Variants in CNTNAP2 observed in about 807,000 individuals in gnomAD.
The protein encoded by CNTNAP2 is contactin associated protein 2.
Under a neutral mutation model 155.2 loss-of-function variants are expected in CNTNAP2, and 98 were observed. The ratio of observed to expected loss-of-function variants is 0.63; its 90% CI spans 0.54 to 0.75. The LOEUF is 0.75. Among genes scored for constraint, CNTNAP2 ranks in the 30% least tolerant of loss-of-function variants. The pLI, the probability that CNTNAP2 is intolerant of heterozygous loss-of-function variation, is 0.00. For missense variants in CNTNAP2, 1,727 were observed against 1,688.1 expected, an observed-to-expected ratio of 1.02 and a Z score of -0.40; for synonymous variants, 651 against 631.2, an observed-to-expected ratio of 1.03 and a Z score of -0.47.
chr7:148,401,774 AT>A (rs1216566503), intron 22 of CNTNAP2, among the ~76,000 whole-genome samples: 1 of 151,702 alleles, frequency 6.6e-6, no homozygotes, highest in African/African-American at 2.4e-5. Flanking sequence ...ACTTTTTTGT[AT>A]TTTTAGTAGA....
intron 21 of CNTNAP2, among the ~76,000 whole-genome samples, chr7:148,358,068 T>C (rs1280120476): frequency 2.0e-5 from 3 of 152,018 alleles, no homozygotes; most frequent in Non-Finnish European, 4.4e-5. Flanking sequence ...GCAGGCCCTA[T>C]TACTCCTGAC....
intron 1 of CNTNAP2, among the ~76,000 whole-genome samples, chr7:146,534,628 A>T (rs1396466043): frequency 6.6e-6 from 1 of 152,062 alleles, no homozygotes; most frequent in East Asian, 1.9e-4. Context: ...GGCCACTGAG[A>T]AAAGGGGCTT....
At chr7:147,945,656 CT>C (rs1471959779) in intron 14 of CNTNAP2, among the ~76,000 whole-genome samples, 2 of 149,914 alleles carry the variant, frequency 1.3e-5, no homozygotes, top group African/African-American at 2.4e-5. Context: ...CAGGCATAGT[CT>C]GTTATCAGGA....
chr7:146,952,260 G>A (rs917036103), intron 3 of CNTNAP2, among the ~76,000 whole-genome samples: 18 of 152,132 alleles, frequency 1.2e-4, no homozygotes, highest in Admixed American at 1.2e-3. Context: ...AATAAACTAG[G>A]TATTGTTGGA....
intron 1 of CNTNAP2, among the ~76,000 whole-genome samples, chr7:146,126,880 A>G (rs544646882): frequency 6.6e-6 from 1 of 152,240 alleles, no homozygotes; most frequent in South Asian, 2.1e-4. Flanking sequence ...CATTCCTATC[A>G]CAGCTTCTAT....
Position 147,444,436 on chromosome 7 carries a change from T to C in CNTNAP2, c.1671-41499T>C, listed in dbSNP as rs191005408. ...AAAATGGCTAGAGAATTCTAAAGCT[T>C]ACATTATATTCTTTAGTATTTTATA... On this transcript the variant is annotated intron_variant, in intron 10 of 23. Transcript: ENST00000361727. Among the ~76,000 whole-genome samples, 614 of 152,202 alleles carry C rather than the reference T, an allele frequency of 4.0e-3. 7 individuals carry two copies. Among genetic ancestry groups the C allele is most frequent in the African/African-American group, 0.012 (481 of 41,556 alleles).
At chr7:147,102,301 GCT>G (rs1800674174) in intron 4 of CNTNAP2, among the ~76,000 whole-genome samples, 1 of 72,584 alleles carries the variant, frequency 1.4e-5, no homozygotes, top group Non-Finnish European at 2.6e-5. Flanking sequence ...AAAAAAAGAA[GCT>G]CAAGAAAGTT....
At chr7:148,151,795 C>G (rs1172299479) in intron 17 of CNTNAP2, among the ~76,000 whole-genome samples, 2 of 152,176 alleles carry the variant, frequency 1.3e-5, no homozygotes, top group East Asian at 3.8e-4. Context: ...AGCTCACATG[C>G]AGAGATGTCC....
chr7:146,734,308 G>C (rs1801574816), intron 1 of CNTNAP2, among the ~76,000 whole-genome samples: 1 of 152,058 alleles, frequency 6.6e-6, no homozygotes, highest in Non-Finnish European at 1.5e-5. Context: ...AATATATAGA[G>C]AGTTAAAATT....
At chr7:146,798,104 CT>C (rs1802803443) in intron 2 of CNTNAP2, among the ~76,000 whole-genome samples, 1 of 151,860 alleles carries the variant, frequency 6.6e-6, no homozygotes, top group Non-Finnish European at 1.5e-5. Flanking sequence ...CAAAAACTGT[CT>C]CTCTAAAAAT....
intron 1 of CNTNAP2, among the ~76,000 whole-genome samples, chr7:146,613,931 C>T (rs914272801): frequency 1.2e-4 from 18 of 152,048 alleles, no homozygotes; most frequent in African/African-American, 4.3e-4. Flanking sequence ...AAATATTTAG[C>T]AGTAAATAAA....
At chr7:147,313,807 T>G (rs1445612925) in intron 9 of CNTNAP2, among the ~76,000 whole-genome samples, 1 of 151,946 alleles carries the variant, frequency 6.6e-6, no homozygotes, top group South Asian at 2.1e-4. Context: ...AAGAAAGTCA[T>G]TGGTAGCTTG....
In CNTNAP2 at chr7:148,190,438, A is replaced by G. The variant is rs141853275; in HGVS notation, c.3010+17960A>G. 9 of 152,348 alleles carry G rather than the reference A, an allele frequency of 5.9e-5. No homozygotes were observed. In the East Asian group the frequency reaches 1.7e-3, roughly 29 times the overall value. The allele number at this position is 152,348 out of a possible 1,614,324, so 9.4% of individuals were successfully genotyped here. ...AGCAATAAGGACTGGAACAGAGAAG[A>G]TGAATAATAGTTTTTTGGTTTTCCA... On this transcript the variant is annotated intron_variant, in intron 18 of 23. Coordinates refer to ENST00000361727, the MANE Select transcript of CNTNAP2 (RefSeq NM_014141.6).
intron 21 of CNTNAP2, among the ~76,000 whole-genome samples, chr7:148,283,427 T>C (rs913216377): frequency 7.2e-5 from 11 of 152,184 alleles, no homozygotes; most frequent in Non-Finnish European, 1.3e-4. Flanking sequence ...TTATTATACA[T>C]TTCATATTTA....
At chr7:146,165,731 A>G (rs1255573468) in intron 1 of CNTNAP2, among the ~76,000 whole-genome samples, 1 of 152,220 alleles carries the variant, frequency 6.6e-6, no homozygotes, top group East Asian at 1.9e-4. Flanking sequence ...ATACATAAAA[A>G]CTTTATGTGA....
intron 11 of CNTNAP2, among the ~76,000 whole-genome samples, chr7:147,532,710 TG>T: frequency 6.6e-6 from 1 of 152,314 alleles, no homozygotes; most frequent in African/African-American, 2.4e-5. Context: ...CTCAGAATCA[TG>T]GTGGAAGGTG....
intron 1 of CNTNAP2, among the ~76,000 whole-genome samples, chr7:146,726,544 T>G (rs1801435029): frequency 6.6e-6 from 1 of 152,182 alleles, no homozygotes; most frequent in South Asian, 2.1e-4. Flanking sequence ...GGCAATTAGA[T>G]GAACTGAATG....
intron 1 of CNTNAP2, among the ~76,000 whole-genome samples, chr7:146,659,683 A>G (rs1800054036): frequency 6.6e-6 from 1 of 152,234 alleles, no homozygotes; most frequent in African/African-American, 2.4e-5. Context: ...GTAACTAGCC[A>G]AAAGAATTAA....
intron 1 of CNTNAP2, among the ~76,000 whole-genome samples, chr7:146,582,184 A>T (rs887184051): frequency 6.6e-6 from 1 of 152,136 alleles, no homozygotes; most frequent in African/African-American, 2.4e-5. Context: ...CTTCAAGAAA[A>T]GGTTTCCCCA....
Sources: allele counts gnomAD v4.1 joint callset (sites outside exome capture counted in the v4.1 genomes callset), GRCh38; gene constraint gnomAD v4.1.1; transcripts MANE v1.5; gene names NCBI Gene and HGNC (gene_info 2026-07-23, HGNC 2026-07-21).